STIM1: variants seen among roughly 807,000 people sequenced by gnomAD.
STIM1 encodes the protein stromal interaction molecule 1.
STIM1 carries 25 observed loss-of-function variants against 74.7 expected under a neutral mutation model. The ratio of observed to expected loss-of-function variants is 0.33; its 90% CI spans 0.24 to 0.47. The LOEUF (loss-of-function observed/expected upper bound fraction) is 0.47, where lower values mean the gene tolerates loss of function less well. STIM1 is among the 20% of genes least tolerant of loss of function. The probability of loss-of-function intolerance (pLI) is 1.00; values close to 1 mark genes in which losing one functional copy is unlikely to be tolerated. For missense variants in STIM1, 728 were observed against 920.8 expected, an observed-to-expected ratio of 0.79 and a Z score of 2.71; for synonymous variants, 328 against 348.8, an observed-to-expected ratio of 0.94 and a Z score of 0.66.
intron 1 of STIM1, among the ~76,000 whole-genome samples, chr11:3,910,343 TATCTGGCGTATCC>T (rs1175600147): frequency 1.3e-5 from 2 of 152,152 alleles, no homozygotes; most frequent in African/African-American, 4.8e-5. Context: ...AAGCCAAAAG[TATCTGGCGTATCC>T]ATCTGAGCAG....
chr11:4,014,952 G>A (rs570658796), intron 2 of STIM1, among the ~76,000 whole-genome samples: 9 of 152,216 alleles, frequency 5.9e-5, no homozygotes, highest in East Asian at 1.9e-4. Context: ...GTCTTTACAC[G>A]TGAGATGGGT....
At chr11:4,016,267 T>C (rs545620510) in intron 2 of STIM1, among the ~76,000 whole-genome samples, 1 of 152,352 alleles carries the variant, frequency 6.6e-6, no homozygotes, top group Non-Finnish European at 1.5e-5. Context: ...ATGCTATTCC[T>C]TTCTGTTTGT....
At chr11:3,920,240 C>G (rs887079687) in intron 1 of STIM1, among the ~76,000 whole-genome samples, 4 of 152,022 alleles carry the variant, frequency 2.6e-5, no homozygotes, top group African/African-American at 9.7e-5. Flanking sequence ...TGATTACAGG[C>G]ATGAGTCATT....
At chr11:4,069,215 A>C (rs1200140416) in intron 5 of STIM1, among the ~76,000 whole-genome samples, 2 of 152,088 alleles carry the variant, frequency 1.3e-5, no homozygotes, top group African/African-American at 2.4e-5. Flanking sequence ...TGATTGGCTA[A>C]GTTTTTAGGA....
At position 3,953,782 on chromosome 11, in the gene STIM1, TTC is replaced by T. The variant is rs1491476939; in HGVS notation, c.140-13768_140-13767del. Among the ~76,000 whole-genome samples, 79 of 142,522 alleles carry T rather than the reference TTC, an allele frequency of 5.5e-4. 6 individuals are homozygous for T. The highest frequency in any genetic ancestry group is 1.4e-3 in the African/African-American group (55 of 38,154). 93.5% of individuals were successfully genotyped at this position (142,522 alleles called of 152,430 possible). On this transcript the variant is annotated intron_variant, in intron 1 of 12. Transcript: ENST00000526596. Reference sequence around the variant, plus strand: ...GGTATTGACTTCTTGATCTTCTTCTTTCTTTTTTTTTTTTTTTTGAGACAGGG... The same window carrying T: ...GGTATTGACTTCTTGATCTTCTTCTTTTTTTTTTTTTTTTTTGAGACAGGG...
intron 1 of STIM1, among the ~76,000 whole-genome samples, chr11:3,911,410 T>C (rs565380790): frequency 6.6e-6 from 1 of 152,318 alleles, no homozygotes; most frequent in East Asian, 1.9e-4. Context: ...ACCATCTTTT[T>C]AAAATTGTTT....
chr11:3,883,188 G>C (rs2135335305), intron 1 of STIM1, among the ~76,000 whole-genome samples: 1 of 151,896 alleles, frequency 6.6e-6, no homozygotes, highest in African/African-American at 2.4e-5. Context: ...TCTTTGTCTA[G>C]AATATCCTTC....
intron 2 of STIM1, among the ~76,000 whole-genome samples, chr11:3,981,277 C>T (rs2093502449): frequency 6.6e-6 from 1 of 152,172 alleles, no homozygotes; most frequent in South Asian, 2.1e-4. Context: ...AATCCTTTCT[C>T]ATGTTCGAGA....
intron 2 of STIM1, among the ~76,000 whole-genome samples, chr11:3,992,101 T>TTTTTTTTTTTTA (rs2093621497): frequency 7.2e-6 from 1 of 139,102 alleles, no homozygotes; most frequent in Non-Finnish European, 1.6e-5. Flanking sequence ...TTTTTTTTTT[T>TTTTTTTTTTTTA]TTTTTTTTTT....
At chr11:4,023,793 A>G (rs1453228515) in intron 2 of STIM1, 80 bp from the exon 3 acceptor site, 1 of 979,978 alleles carries the variant, frequency 1.0e-6, no homozygotes, top group African/African-American at 1.6e-5. Flanking sequence ...ATGGCTAGCT[A>G]GAGGCAGGTG....
chr11:3,905,944 T>A (rs2135457232), intron 1 of STIM1, among the ~76,000 whole-genome samples: 1 of 152,294 alleles, frequency 6.6e-6, no homozygotes, highest in Non-Finnish European at 1.5e-5. Flanking sequence ...ATATCTGGGA[T>A]GAGGGAGGAG....
chr11:4,004,429 C>A (rs1457925413), intron 2 of STIM1, among the ~76,000 whole-genome samples: 4 of 151,100 alleles, frequency 2.6e-5, no homozygotes, highest in African/African-American at 9.7e-5. Context: ...AGAAATAACG[C>A]CGCATATCTA....
At chr11:3,870,382 T>C (rs969150681) in intron 1 of STIM1, among the ~76,000 whole-genome samples, 3 of 152,220 alleles carry the variant, frequency 2.0e-5, no homozygotes, top group Non-Finnish European at 4.4e-5. Context: ...CAAGATTGCT[T>C]TTCCTCTCTG....
intron 3 of STIM1, among the ~76,000 whole-genome samples, chr11:4,038,817 G>A (rs532924921): frequency 6.6e-6 from 1 of 152,158 alleles, no homozygotes; most frequent in South Asian, 2.1e-4. Context: ...ATCTGACGAG[G>A]TCTTTGCTTA....
intron 12 of STIM1, 78 bp from the exon 13 acceptor site, chr11:4,091,204 C>T: frequency 1.3e-6 from 2 of 1,598,590 alleles, no homozygotes; most frequent in Non-Finnish European, 8.5e-7. Flanking sequence ...TCGTGTTGTC[C>T]CTCTCTCCTC....
chr11:4,024,584 A>T (rs1241715730), intron 3 of STIM1, among the ~76,000 whole-genome samples: 1 of 152,040 alleles, frequency 6.6e-6, no homozygotes, highest in African/African-American at 2.4e-5. Context: ...TGTTTCTTAG[A>T]TCCTATAGTT....
At chr11:4,086,722 A>ACCG in intron 12 of STIM1, 179 bp downstream of exon 12, 1 of 1,537,666 alleles carries the variant, frequency 6.5e-7, no homozygotes, top group Non-Finnish European at 8.7e-7. Context: ...CACCACCACC[A>ACCG]CCACCACCTT....
At chr11:3,868,540 T>C (rs1023485749) in intron 1 of STIM1, among the ~76,000 whole-genome samples, 1 of 152,204 alleles carries the variant, frequency 6.6e-6, no homozygotes, top group African/African-American at 2.4e-5. Flanking sequence ...GAGTTTAGAA[T>C]TTAGGTGGAG....
chr11:3,983,953 G>A (rs957793305), intron 2 of STIM1, among the ~76,000 whole-genome samples: 4 of 151,162 alleles, frequency 2.6e-5, no homozygotes, highest in African/African-American at 7.3e-5. Flanking sequence ...TGCAACCTCC[G>A]CCTCCTGGAT....
Sources: allele counts gnomAD v4.1 joint callset (sites outside exome capture counted in the v4.1 genomes callset), GRCh38; gene constraint gnomAD v4.1.1; transcripts MANE v1.5; gene names NCBI Gene and HGNC (gene_info 2026-07-23, HGNC 2026-07-21).